MUC4: variants seen among roughly 807,000 people sequenced by gnomAD.
The protein encoded by MUC4 is mucin 4, cell surface associated.
In MUC4, 202 loss-of-function variants were observed where a neutral mutation model predicts 257.9. The observed-to-expected ratio is 0.78, with a 90% CI of 0.70 to 0.88. MUC4 has a LOEUF of 0.88. Among genes scored for constraint, MUC4 ranks in the 40% least tolerant of loss-of-function variants. The pLI, the probability that MUC4 is intolerant of heterozygous loss-of-function variation, is 0.00. For missense variants in MUC4, 5,976 were observed against 6,513.7 expected (o/e 0.92, Z 2.84); for synonymous variants, 2,351 against 2,757.1 (o/e 0.85, Z 4.62).
intron 1 of MUC4, among the ~76,000 whole-genome samples, chr3:195,801,651 C>T (rs1242619662): frequency 1.3e-5 from 2 of 152,134 alleles, no homozygotes; most frequent in Admixed American, 6.5e-5. Context: ...ACGCACTGCT[C>T]GCTCTGCCCC....
Position 195,759,658 on chromosome 3 carries a change from G to A in MUC4, c.14849-397C>T, listed in dbSNP as rs569227361. Among the ~76,000 whole-genome samples, 46 of 152,308 alleles carry A rather than the reference G, an allele frequency of 3.0e-4. 1 individual carries two copies. The South Asian group carries it at 8.9e-3, about 29-fold the overall frequency. On this transcript the variant is annotated intron_variant, in intron 16 of 24. Transcript: ENST00000463781. ...ACCTGAAGGGTGCTGGGTGTCTCAT[G>A]TCTGTAATCCCAGCACTTTGGGAGG...
At chr3:195,762,054 G>A in intron 14 of MUC4, 33 bp downstream of exon 14, 1 of 1,558,730 alleles carries the variant, frequency 6.4e-7, no homozygotes, top group Non-Finnish European at 8.6e-7. Flanking sequence ...CTGGCTCCGC[G>A]GAGCCTCAGA....
Position 195,761,575 on chromosome 3 carries a change from A to G in MUC4, c.14523T>C (p.Asn4841=). The change falls in exon 15 of 25, where the codon AAT becomes AAC. Residue 4841 remains asparagine (N), a synonymous_variant. Coordinates refer to ENST00000463781, the MANE Select transcript of MUC4 (RefSeq NM_018406.7). Reference sequence around the variant, plus strand: ...TCCTGAAGTCGTCCTCTGGATTGTTATTCCAGACCCCTGAGGGACAGAGTG... The same window carrying G: ...TCCTGAAGTCGTCCTCTGGATTGTTGTTCCAGACCCCTGAGGGACAGAGTG... ...NRTEGLLGVW[N]NNPEDDFRMP... is the part of the protein sequence containing the mutation. The G allele has an allele frequency of 6.2e-7, 1 of 1,613,960 alleles. No individual in the cohort carries two copies. The highest frequency in any genetic ancestry group is 8.5e-7 in the Non-Finnish European group (1 of 1,179,864).
rs779261799 is a variant in MUC4 at position 195,785,406 on chromosome 3, G to T, written c.6174C>A (p.Ser2058=). ...PLPVTSLSSV[S]TGDTTPLPVT... Reference sequence around the variant, plus strand: ...CAGGAAGAGGCGTGGTGTCACCTGTGGATACTGAGGAAAGGCTGGTGACAG... The same window carrying T: ...CAGGAAGAGGCGTGGTGTCACCTGTTGATACTGAGGAAAGGCTGGTGACAG... The change falls in exon 2 of 25, where the codon TCC becomes TCA. Residue 2058 remains serine (S), a synonymous_variant. Coordinates refer to ENST00000463781, the MANE Select transcript of MUC4 (RefSeq NM_018406.7). 1.3e-6 allele frequency: 2 copies of T among 1,512,432 alleles called. No individual in the cohort carries two copies. The highest frequency in any genetic ancestry group is 1.8e-6 in the Non-Finnish European group (2 of 1,121,958). 93.7% of individuals were successfully genotyped at this position (1,512,432 alleles called of 1,614,324 possible). A position where few individuals can be genotyped will look rare whatever the true frequency, so the allele number is the denominator to read the frequency against.
At chr3:195,803,794 G>A (rs1735650948) in intron 1 of MUC4, among the ~76,000 whole-genome samples, 1 of 152,236 alleles carries the variant, frequency 6.6e-6, no homozygotes, top group Non-Finnish European at 1.5e-5. Flanking sequence ...GAGCTGCTCA[G>A]CTCTGGGACT....
intron 1 of MUC4, 109 bp downstream of exon 1, chr3:195,811,627 C>G: frequency 1.1e-6 from 1 of 936,304 alleles, no homozygotes; most frequent in East Asian, 2.6e-5. Context: ...TCCCTTTCCC[C>G]TATTCTCTCT....
At chr3:195,754,984 A>T (rs1380857830) in intron 18 of MUC4, among the ~76,000 whole-genome samples, 2 of 152,056 alleles carry the variant, frequency 1.3e-5, no homozygotes, top group Non-Finnish European at 2.9e-5. Flanking sequence ...CCATGTGTGT[A>T]TGTATCCATG....
At chr3:195,762,345 C>T (rs1223148932) in intron 13 of MUC4, 91 bp from the exon 14 acceptor site, 10 of 1,371,384 alleles carry the variant, frequency 7.3e-6, no homozygotes, top group African/African-American at 5.9e-5. Context: ...CCACCCCCAC[C>T]CCGCCCCTGG....
chr3:195,793,513 A>T (rs1387110779), intron 1 of MUC4, among the ~76,000 whole-genome samples: 2 of 79,114 alleles, frequency 2.5e-5, no homozygotes, highest in Non-Finnish European at 5.7e-5. Context: ...AAAAAAAAAT[A>T]AATAAATAAA....
rs1020523844 is a variant in MUC4 at position 195,765,325 on chromosome 3, G to A, written c.13743C>T (p.Cys4581=). The A allele has an allele frequency of 5.6e-6, 9 of 1,613,758 alleles. No individual in the cohort carries two copies. In the Admixed American group the frequency reaches 8.3e-5, roughly 15 times the overall value. The change falls in exon 9 of 25, where the codon TGC becomes TGT. Residue 4581 remains cysteine, a synonymous_variant. Transcript: ENST00000463781. ...WPSWGWNQVS[C]PCSWQQGRRD... The stretch of plus-strand genomic sequence containing the variant: ...GTCGTCCCTGCTGCCAGGAACAAGG[G>A]CAGGAGACCTGGTTCCAGCCCCAGC...
chr3:195,757,604 C>T lies in MUC4; in HGVS notation c.14987-276G>A, dbSNP rs1344861972. On this transcript the variant is annotated intron_variant, in intron 17 of 24. Transcript: ENST00000463781. The surrounding 1 kb of genome is among the most constrained non-coding windows in gnomAD (Gnocchi z 4.8). ...TCCTGAAGAAACCCCAAAGGGCAGC[C>T]CTGGCTGGGCTCACACCAGGATGGG... is the stretch of plus-strand genomic sequence containing the variant. Among the ~76,000 whole-genome samples the T allele has an allele frequency of 1.3e-5, 2 of 152,120 alleles. No individual in the cohort carries two copies. The highest frequency in any genetic ancestry group is 1.5e-5 in the Non-Finnish European group (1 of 68,016).
Position 195,787,256 on chromosome 3 carries a change from G to C in MUC4, c.4324C>G (p.Pro1442Ala). The C allele has an allele frequency of 3.3e-6, 1 of 298,696 alleles. No homozygotes were observed. Among genetic ancestry groups the C allele is most frequent in the South Asian group, 3.2e-5 (1 of 31,686 alleles). 18.5% of individuals were successfully genotyped at this position (298,696 alleles called of 1,614,324 possible). A position where few individuals can be genotyped will look rare whatever the true frequency, so the allele number is the denominator to read the frequency against. ...SVSTDHATSLPVTIPSAASTG... is the reference protein window; with the variant it reads ...SVSTDHATSLAVTIPSAASTG... ...GATGCTGCGGAAGGGATGGTTACAG[G>C]AAGAGAGGTGGCGTGATCTGTGGAC... The change falls in exon 2 of 25, where the codon CCT becomes GCT. Residue 1442 changes from proline (P) to alanine (A), a missense_variant. Transcript: ENST00000463781.
chr3:195,789,423 G>A lies in MUC4; in HGVS notation c.2157C>T (p.Ser719=), dbSNP rs1316796706. The A allele has an allele frequency of 1.2e-6, 2 of 1,613,860 alleles. No homozygotes were observed. Among genetic ancestry groups the A allele is most frequent in the Non-Finnish European group, 1.7e-6 (2 of 1,179,886 alleles). The stretch of plus-strand genomic sequence containing the variant: ...CTGAGGGCCCCAGGGTGGCATCATG[G>A]CTGCTGGGTGCTGCCTGCAGTGCTG... ...PTTALQAAPS[S]HDATLGPSGG... is the part of the protein sequence containing the mutation. The change falls in exon 2 of 25, where the codon AGC becomes AGT. Residue 719 remains serine, a synonymous_variant. Coordinates refer to ENST00000463781, the MANE Select transcript of MUC4 (RefSeq NM_018406.7).
Position 195,789,865 on chromosome 3 carries a change from C to T in MUC4, c.1715G>A (p.Gly572Glu). The change falls in exon 2 of 25, where the codon GGG (glycine) becomes GAG (glutamate). Residue 572 changes from glycine (G) to glutamate (E), a missense_variant. Physicochemically the swap from Gly to Glu is moderately conservative, Grantham distance 98 (BLOSUM62 -2). This residue lies in a region of MUC4 where 1,583 missense variants were observed against 1,257.4 expected (regional missense o/e 1.26). Transcript: ENST00000463781. ...GAQTQWTQET[G>E]TTGEALLSSP... ...GCTGAGAAGAGCCTCTCCAGTGGTCCCCGTTTCTTGTGTCCATTGTGTCTG... is the reference window on the plus strand; with the variant it reads ...GCTGAGAAGAGCCTCTCCAGTGGTCTCCGTTTCTTGTGTCCATTGTGTCTG... The T allele has an allele frequency of 2.5e-6, 4 of 1,613,922 alleles. No individual in the cohort carries two copies. The highest frequency in any genetic ancestry group is 2.5e-6 in the Non-Finnish European group (3 of 1,179,870).
rs1717890452 is a variant in MUC4 at position 195,757,431 on chromosome 3, C to G, written c.14987-103G>C. On this transcript the variant is annotated intron_variant, in intron 17 of 24. Coordinates refer to ENST00000463781, the MANE Select transcript of MUC4 (RefSeq NM_018406.7). The surrounding 1 kb of genome is among the most constrained non-coding windows in gnomAD (Gnocchi z 4.8). ...CCCCACCCCTCTCAGGCCACCCTCC[C>G]CCTCCCCAGACAAATCTCATTGGTC... 1.9e-6 allele frequency: 2 copies of G among 1,069,558 alleles called. No homozygotes were observed. Among genetic ancestry groups the G allele is most frequent in the Non-Finnish European group, 2.7e-6 (2 of 745,142 alleles). The allele number at this position is 1,069,558 out of a possible 1,614,324, so 66.3% of individuals were successfully genotyped here.
At chr3:195,761,382 A>T (rs191484321) in intron 15 of MUC4, 102 bp downstream of exon 15, 93 of 1,024,322 alleles carry the variant, frequency 9.1e-5, no homozygotes, top group Admixed American at 2.2e-4. Flanking sequence ...CTCAGACCTT[A>T]GGGAGGATGG....
intron 5 of MUC4, among the ~76,000 whole-genome samples, chr3:195,771,364 C>T (rs2641780): frequency 0.19 from 19,088 of 100,034 alleles, 15 homozygotes; most frequent in East Asian, 0.44. Flanking sequence ...TGGTCAGTCT[C>T]GTGGTTGGGT....
Position 195,780,938 on chromosome 3 carries a change from C to T in MUC4, c.10642G>A (p.Gly3548Ser). Reference sequence around the variant, plus strand: ...GTGACAGGAAGAGGGGTGGTGTCACCTGTGGATACTGAGGAAAGGCTGGTG... The same window carrying T: ...GTGACAGGAAGAGGGGTGGTGTCACTTGTGGATACTGAGGAAAGGCTGGTG... ...PVTSLSSVST[G>S]DTTPLPVTDA... The change falls in exon 2 of 25, where the codon GGT becomes AGT. Residue 3548 changes from glycine to serine, a missense_variant. Around this residue, in one of 44 missense-constraint regions of MUC4, gnomAD observed 297 missense variants for 240.9 expected, o/e 1.23. Coordinates refer to ENST00000463781, the MANE Select transcript of MUC4 (RefSeq NM_018406.7). 2 of 1,515,656 alleles carry T rather than the reference C, an allele frequency of 1.3e-6. No homozygotes were observed. Among genetic ancestry groups the T allele is most frequent in the Non-Finnish European group, 1.8e-6 (2 of 1,123,502 alleles). 93.9% of individuals were successfully genotyped at this position (1,515,656 alleles called of 1,614,324 possible).
chr3:195,753,281 C>T (rs749119743), intron 19 of MUC4, 51 bp from the exon 20 acceptor site: 26 of 1,574,662 alleles, frequency 1.7e-5, no homozygotes, highest in African/African-American at 5.4e-5. Context: ...AGCAGAGGGA[C>T]GGCCCAGCCC....
Sources: gnomAD v4.1 joint callset for allele counts (sites outside exome capture counted in the v4.1 genomes callset) on GRCh38, gnomAD v4.1.1 for gene constraint, gnomAD v4.1.1 regional missense constraint, Gnocchi (gnomAD v3.1) non-coding constraint, MANE v1.5 for transcripts, NCBI Gene and HGNC (gene_info 2026-07-23, HGNC 2026-07-21) for gene names.